The following STAC variants were observed in gnomAD, a reference collection of about 807,000 sequenced individuals.
STAC encodes SH3 and cysteine rich domain.
STAC carries 43 observed loss-of-function variants against 48.8 expected under a neutral mutation model. That is an observed-to-expected ratio of 0.88 (90% CI 0.69 to 1.14). The LOEUF is 1.14. Among genes scored for constraint, STAC ranks in the 50% most tolerant of loss-of-function variants. STAC has a pLI of 0.00. For missense variants in STAC, 497 were observed against 504.0 expected, an observed-to-expected ratio of 0.99 and a Z score of 0.13; for synonymous variants, 193 against 179.5, an observed-to-expected ratio of 1.07 and a Z score of -0.60.
Position 36,443,548 on chromosome 3 carries a change from C to A in STAC, c.296C>A (p.Ala99Asp). 1 of 1,614,222 alleles carries A rather than the reference C, an allele frequency of 6.2e-7. No individual in the cohort carries two copies. Among genetic ancestry groups the A allele is most frequent in the Non-Finnish European group, 8.5e-7 (1 of 1,180,048 alleles). Residue 99 changes from alanine (A) to aspartate (D), a missense_variant, in exon 2 of 11, where the codon GCT becomes GAT. Physicochemically the swap from Ala to Asp is moderately radical, Grantham distance 126. Transcript: ENST00000273183. This position sits in a 1 kb window ranked among gnomAD's most constrained non-coding sequence, Gnocchi z 4.2. ...PGSLTSTPAR[A>D]GLHPGGKAHA... ...AGCCTGACGTCCACACCCGCCAGGG[C>A]TGGTCTGCATCCAGGTGGCAAGGCT...
At chr3:36,421,694 T>C (rs1700454456) in intron 1 of STAC, among the ~76,000 whole-genome samples, 1 of 152,154 alleles carries the variant, frequency 6.6e-6, no homozygotes, top group South Asian at 2.1e-4. Context: ...CTTCCTGAAT[T>C]TCTTTAATGA....
Position 36,483,059 on chromosome 3 carries a change from T to G in STAC, c.456T>G (p.Asp152Glu). Residue 152 changes from aspartate (D) to glutamate (E), a missense_variant, in exon 3 of 11, where the codon GAT becomes GAG. Coordinates refer to ENST00000273183, the MANE Select transcript of STAC (RefSeq NM_003149.3). Reference sequence around the variant, plus strand: ...TGAGCATCCACCACAAGTGCACAGATGGCCTGGCACCCCAGCGGTGCATGG... The same window carrying G: ...TGAGCATCCACCACAAGTGCACAGAGGGCCTGGCACCCCAGCGGTGCATGG... ...CKMSIHHKCTDGLAPQRCMGK... is the reference protein window; with the variant it reads ...CKMSIHHKCTEGLAPQRCMGK... The G allele has an allele frequency of 6.2e-7, 1 of 1,614,146 alleles. No homozygotes were observed.
intron 8 of STAC, among the ~76,000 whole-genome samples, chr3:36,516,377 G>A (rs1173566702): frequency 6.6e-6 from 1 of 151,900 alleles, no homozygotes; most frequent in East Asian, 1.9e-4. Context: ...TTGTTCTTAG[G>A]TGAGTGAATA....
intron 1 of STAC, among the ~76,000 whole-genome samples, chr3:36,418,996 G>A (rs1224081257): frequency 1.4e-5 from 2 of 147,508 alleles, no homozygotes; most frequent in Admixed American, 6.9e-5. Flanking sequence ...GCAGTGAGCC[G>A]AGATCGCGCC....
intron 1 of STAC, among the ~76,000 whole-genome samples, chr3:36,428,016 G>A (rs1030769362): frequency 2.6e-5 from 4 of 152,074 alleles, no homozygotes; most frequent in Non-Finnish European, 5.9e-5. Flanking sequence ...CAAATTAAAT[G>A]AGAATAAAAA....
intron 10 of STAC, among the ~76,000 whole-genome samples, chr3:36,536,177 T>C (rs1699193976): frequency 6.6e-6 from 1 of 152,140 alleles, no homozygotes; most frequent in Non-Finnish European, 1.5e-5. Flanking sequence ...GGATTCAACT[T>C]CTTCCCAGTT....
At position 36,454,444 on chromosome 3, in the gene STAC, G is replaced by T. The variant is rs1007064781; in HGVS notation, c.388+10804G>T. 1.1e-4 allele frequency among the ~76,000 whole-genome samples: 17 copies of T among 151,992 alleles called. 1 individual carries two copies. Among genetic ancestry groups the T allele is most frequent in the Admixed American group, 1.1e-3 (17 of 15,264 alleles). On this transcript the variant is annotated intron_variant, in intron 2 of 10. Coordinates refer to ENST00000273183, the MANE Select transcript of STAC (RefSeq NM_003149.3). ...TCCGAACACATCCGAACATCAGAAG[G>T]AACAAACTCCGGACACGCCACCATT...
At chr3:36,541,394 T>A (rs902416899) in intron 10 of STAC, among the ~76,000 whole-genome samples, 1 of 152,164 alleles carries the variant, frequency 6.6e-6, no homozygotes, top group Non-Finnish European at 1.5e-5. Flanking sequence ...GAAATGACCA[T>A]GAGTACCAAT....
chr3:36,419,108 A>G (rs527681082), intron 1 of STAC, among the ~76,000 whole-genome samples: 4 of 152,260 alleles, frequency 2.6e-5, no homozygotes, highest in Admixed American at 6.5e-5. Context: ...TTGGTGCACA[A>G]TAACATAATT....
chr3:36,527,045 A>T (rs1698953779), intron 8 of STAC, among the ~76,000 whole-genome samples: 1 of 152,210 alleles, frequency 6.6e-6, no homozygotes, highest in Admixed American at 6.5e-5. Context: ...GCCTGTAAAT[A>T]GCCCTTGCAC....
chr3:36,466,089 G>A (rs1414240389), intron 2 of STAC, among the ~76,000 whole-genome samples: 2 of 152,158 alleles, frequency 1.3e-5, no homozygotes, highest in African/African-American at 4.8e-5. Context: ...GGTGAGAGAT[G>A]AGGATCCAAT....
intron 8 of STAC, among the ~76,000 whole-genome samples, chr3:36,523,212 G>A (rs921421218): frequency 1.3e-5 from 2 of 152,146 alleles, no homozygotes; most frequent in Non-Finnish European, 2.9e-5. Flanking sequence ...TCTAATTCTT[G>A]TGAGCTCACA....
intron 1 of STAC, among the ~76,000 whole-genome samples, chr3:36,398,336 A>AAGC (rs1699901512): frequency 2.7e-5 from 3 of 113,118 alleles, no homozygotes; most frequent in Non-Finnish European, 6.2e-5. Flanking sequence ...AGAAAGAAAG[A>AAGC]AAGAAAGAAA....
intron 4 of STAC, 151 bp downstream of exon 4, chr3:36,485,209 G>C: frequency 1.9e-6 from 1 of 538,892 alleles, no homozygotes; most frequent in Non-Finnish European, 3.1e-6. Context: ...TTTGCTGGAA[G>C]GGAAACATAA....
At chr3:36,416,148 T>C (rs6808777) in intron 1 of STAC, among the ~76,000 whole-genome samples, 2 of 152,182 alleles carry the variant, frequency 1.3e-5, no homozygotes, top group African/African-American at 4.8e-5. Flanking sequence ...TTAATTTTTA[T>C]AGTAACTTGG....
chr3:36,430,356 G>C (rs1351330619), intron 1 of STAC, among the ~76,000 whole-genome samples: 1 of 152,200 alleles, frequency 6.6e-6, no homozygotes, highest in African/African-American at 2.4e-5. Flanking sequence ...GGAGAAGTCA[G>C]GGAGAGCCTG....
chr3:36,525,202 T>C (rs535535712), intron 8 of STAC, among the ~76,000 whole-genome samples: 1 of 152,314 alleles, frequency 6.6e-6, no homozygotes, highest in South Asian at 2.1e-4. Flanking sequence ...TCTATAAATA[T>C]TTGTTGAATG....
At chr3:36,478,891 A>C (rs1224763820) in intron 2 of STAC, among the ~76,000 whole-genome samples, 1 of 152,162 alleles carries the variant, frequency 6.6e-6, no homozygotes, top group African/African-American at 2.4e-5. Context: ...GGCCTCCCAA[A>C]GTCCTGGGAT....
At chr3:36,461,140 TGCATG>T (rs1278861559) in intron 2 of STAC, among the ~76,000 whole-genome samples, 1 of 152,208 alleles carries the variant, frequency 6.6e-6, no homozygotes, top group Non-Finnish European at 1.5e-5. Flanking sequence ...CTAAATATTT[TGCATG>T]TACTTTTCAA....
Sources: allele counts gnomAD v4.1 joint callset (sites outside exome capture counted in the v4.1 genomes callset), GRCh38; gene constraint gnomAD v4.1.1; non-coding constraint Gnocchi (gnomAD v3.1); transcripts MANE v1.5; gene names NCBI Gene and HGNC (gene_info 2026-07-23, HGNC 2026-07-21).